PLXDC2: variants seen among roughly 807,000 people sequenced by gnomAD.
PLXDC2 encodes the protein plexin domain containing 2, also known as plexin domain-containing protein 2.
In PLXDC2, 40 loss-of-function variants were observed where a neutral mutation model predicts 68.9. The observed-to-expected ratio is 0.58, with a 90% CI of 0.45 to 0.76. The LOEUF (loss-of-function observed/expected upper bound fraction) is 0.76, where lower values mean the gene tolerates loss of function less well. Among genes scored for constraint, PLXDC2 ranks in the 30% least tolerant of loss-of-function variants. PLXDC2 has a pLI of 0.00. For synonymous variants in PLXDC2, 243 were observed against 234.2 expected, an observed-to-expected ratio of 1.04 and a Z score of -0.34; for missense variants, 644 against 661.9, an observed-to-expected ratio of 0.97 and a Z score of 0.30.
At chr10:19,863,491 AG>A (rs1257581664) in intron 1 of PLXDC2, among the ~76,000 whole-genome samples, 2 of 152,222 alleles carry the variant, frequency 1.3e-5, no homozygotes, top group African/African-American at 4.8e-5. Context: ...CCTAGAATAC[AG>A]GGAGCATCAC....
chr10:19,980,866 A>T (rs1834540204), intron 1 of PLXDC2, among the ~76,000 whole-genome samples: 1 of 152,284 alleles, frequency 6.6e-6, no homozygotes. Context: ...TCTTAGGGAG[A>T]TGCAAACATT....
rs1478529998 is a variant in PLXDC2, at chr10:20,285,000, G to A, written c.*5181G>A. On this transcript the variant is annotated 3_prime_UTR_variant, in exon 14 of 14. Coordinates refer to ENST00000377252, the MANE Select transcript of PLXDC2 (RefSeq NM_032812.9). The stretch of plus-strand genomic sequence containing the variant: ...CCTGCCCCCATCTGTGGCCATCTAA[G>A]TTAGCAATACAATTTATTTTGGCCA... The A allele has an allele frequency of 6.6e-6, 1 of 152,080 alleles. No individual in the cohort carries two copies. Among genetic ancestry groups the A allele is most frequent in the Non-Finnish European group, 1.5e-5 (1 of 68,018 alleles). The allele number at this position is 152,080 out of a possible 1,614,324, so 9.4% of individuals were successfully genotyped here.
chr10:20,287,964 G>T lies in PLXDC2; in HGVS notation c.*8145G>T, dbSNP rs527478401. 9.7e-6 allele frequency: 1 copy of T among 102,596 alleles called. No homozygotes were observed. Among genetic ancestry groups the T allele is most frequent in the African/African-American group, 3.9e-5 (1 of 25,762 alleles). The allele number at this position is 102,596 out of a possible 1,614,324, so 6.4% of individuals were successfully genotyped here. A position where few individuals can be genotyped will look rare whatever the true frequency, so the allele number is the denominator to read the frequency against. ...TTGAAGTGTGAAAAGAGAAGAAATT[G>T]GGCACTTCTTGCGGCGGGGGAGGGG... On this transcript the variant is annotated 3_prime_UTR_variant, in exon 14 of 14. Transcript: ENST00000377252.
chr10:20,075,392 G>C (rs1031798419), intron 4 of PLXDC2, among the ~76,000 whole-genome samples: 1 of 152,102 alleles, frequency 6.6e-6, no homozygotes, highest in African/African-American at 2.4e-5. Context: ...GTCTCATTAT[G>C]TTGTCCAGGC....
chr10:20,087,374 A>C (rs1248353446), intron 4 of PLXDC2, among the ~76,000 whole-genome samples: 1 of 151,842 alleles, frequency 6.6e-6, no homozygotes, highest in East Asian at 1.9e-4. Flanking sequence ...ACTACTAAAA[A>C]TGGTTGGCTT....
chr10:20,236,327 C>A (rs1470511832), intron 12 of PLXDC2, among the ~76,000 whole-genome samples: 1 of 151,924 alleles, frequency 6.6e-6, no homozygotes, highest in Non-Finnish European at 1.5e-5. Context: ...TGCATAAAGT[C>A]CCAGCTACTT....
At chr10:20,198,051 G>A (rs1311574661) in intron 9 of PLXDC2, among the ~76,000 whole-genome samples, 1 of 152,036 alleles carries the variant, frequency 6.6e-6, no homozygotes, top group Non-Finnish European at 1.5e-5. Context: ...CCTAAAGGTG[G>A]GTGCTGTAAC....
intron 1 of PLXDC2, among the ~76,000 whole-genome samples, chr10:19,947,970 G>T (rs1471399389): frequency 6.6e-6 from 1 of 152,044 alleles, no homozygotes; most frequent in Non-Finnish European, 1.5e-5. Context: ...GGTCCAATAA[G>T]ATATTTTATG....
chr10:20,160,070 C>T (rs1397019494), intron 6 of PLXDC2, among the ~76,000 whole-genome samples: 1 of 152,118 alleles, frequency 6.6e-6, no homozygotes, highest in Non-Finnish European at 1.5e-5. Context: ...TCTTTGTTTT[C>T]CTATCTGCTG....
intron 9 of PLXDC2, among the ~76,000 whole-genome samples, chr10:20,199,309 A>G (rs759051504): frequency 1.3e-5 from 2 of 151,990 alleles, no homozygotes; most frequent in Non-Finnish European, 2.9e-5. Flanking sequence ...CAACATAAAA[A>G]TATGCTAAAC....
intron 4 of PLXDC2, among the ~76,000 whole-genome samples, chr10:20,092,193 G>A (rs1435977540): frequency 6.6e-6 from 1 of 152,138 alleles, no homozygotes; most frequent in Non-Finnish European, 1.5e-5. Context: ...TACCGCATAA[G>A]TAATTGAGGG....
intron 1 of PLXDC2, among the ~76,000 whole-genome samples, chr10:19,857,098 A>G (rs1837228709): frequency 6.6e-6 from 1 of 152,346 alleles, no homozygotes; most frequent in Non-Finnish European, 1.5e-5. Context: ...AAGAAGCAAC[A>G]AGTTACCTAG....
chr10:20,247,930 G>C (rs527887600), intron 13 of PLXDC2, among the ~76,000 whole-genome samples: 1 of 152,280 alleles, frequency 6.6e-6, no homozygotes, highest in East Asian at 1.9e-4. Flanking sequence ...TTGGAAATCT[G>C]TTATTAAGTT....
At chr10:19,854,189 G>A (rs1837171971) in intron 1 of PLXDC2, among the ~76,000 whole-genome samples, 1 of 152,212 alleles carries the variant, frequency 6.6e-6, no homozygotes, top group Non-Finnish European at 1.5e-5. Context: ...GCGAGTGGAT[G>A]AGGCCTGGGA....
At chr10:19,817,258 C>A in intron 1 of PLXDC2, 67 bp downstream of exon 1, 2 of 1,248,280 alleles carry the variant, frequency 1.6e-6, no homozygotes, top group Non-Finnish European at 2.3e-6. Context: ...CACTCTCGTG[C>A]TCCCTACCCT....
chr10:20,044,298 T>C (rs1189516523), intron 2 of PLXDC2, among the ~76,000 whole-genome samples: 4 of 135,696 alleles, frequency 2.9e-5, no homozygotes, highest in South Asian at 2.4e-4. Flanking sequence ...TCTTTCTTCT[T>C]TCTCTCTCTC....
chr10:20,161,895 G>A (rs924289644), intron 6 of PLXDC2, among the ~76,000 whole-genome samples: 2 of 151,986 alleles, frequency 1.3e-5, no homozygotes, highest in South Asian at 4.1e-4. Context: ...GCTGGGCGCA[G>A]TGTCACTTGC....
intron 2 of PLXDC2, among the ~76,000 whole-genome samples, chr10:20,003,472 A>G (rs1834975924): frequency 6.6e-6 from 1 of 152,168 alleles, no homozygotes; most frequent in East Asian, 1.9e-4. Flanking sequence ...TCGCTCTATC[A>G]TCCAGGCTGG....
intron 1 of PLXDC2, among the ~76,000 whole-genome samples, chr10:19,908,132 A>T (rs983638437): frequency 2.0e-5 from 3 of 152,194 alleles, no homozygotes; most frequent in Non-Finnish European, 2.9e-5. Context: ...GAATTTTTAG[A>T]TGGATGTTTT....
Sources: gnomAD v4.1 joint callset for allele counts (sites outside exome capture counted in the v4.1 genomes callset) on GRCh38, gnomAD v4.1.1 for gene constraint, MANE v1.5 for transcripts, NCBI Gene and HGNC (gene_info 2026-07-23, HGNC 2026-07-21) for gene names.